Variants in ST3GAL3 observed in about 807,000 individuals in gnomAD.
ST3GAL3 encodes the protein ST3 beta-galactoside alpha-2,3-sialyltransferase 3, also known as CMP-N-acetylneuraminate-beta-1,4-galactoside alpha-2,3-sialyltransferase.
A neutral mutation model predicts 50.1 loss-of-function variants in ST3GAL3; 21 were observed. That is an observed-to-expected ratio of 0.42 (90% confidence interval 0.30 to 0.60). The LOEUF (loss-of-function observed/expected upper bound fraction) is 0.60. Ranked by LOEUF, ST3GAL3 falls within the 20% of genes least tolerant of loss-of-function variation. The pLI, the probability that ST3GAL3 is intolerant of heterozygous loss-of-function variation, is 0.19. For missense variants in ST3GAL3, 353 were observed against 489.4 expected (o/e 0.72, Z 2.63); for synonymous variants, 183 against 190.0 (o/e 0.96, Z 0.30).
At chr1:43,778,732 G>A (rs1365363747) in intron 2 of ST3GAL3, among the ~76,000 whole-genome samples, 5 of 127,650 alleles carry the variant, frequency 3.9e-5, no homozygotes, top group South Asian at 2.7e-4. Flanking sequence ...TGCAAGCTCC[G>A]CCTCCCGGGT....
chr1:43,851,868 C>G (rs747983193), intron 5 of ST3GAL3, among the ~76,000 whole-genome samples: 14 of 152,248 alleles, frequency 9.2e-5, no homozygotes, highest in Non-Finnish European at 1.5e-4. Flanking sequence ...AGCAACGTGA[C>G]TGGCCGCACC....
chr1:43,766,582 G>A (rs144228841), intron 2 of ST3GAL3, among the ~76,000 whole-genome samples: 128 of 152,230 alleles, frequency 8.4e-4, no homozygotes, highest in African/African-American at 2.9e-3. Flanking sequence ...GCTGAGAGCG[G>A]CTTGTGAGGA....
intron 3 of ST3GAL3, among the ~76,000 whole-genome samples, chr1:43,807,068 C>T (rs144678866): frequency 6.6e-6 from 1 of 152,284 alleles, no homozygotes; most frequent in East Asian, 1.9e-4. Context: ...AAAGATAAAA[C>T]AGTTCAGCCT....
Position 43,907,832 on chromosome 1 carries a change from C to T in ST3GAL3, c.744+8105C>T, listed in dbSNP as rs146204560. ...TTCACCTTAAAAATAAAAGCCCTCTCTTTAGCTTATGTTCACCTCTCTTCT... is the reference window on the plus strand; with the variant it reads ...TTCACCTTAAAAATAAAAGCCCTCTTTTTAGCTTATGTTCACCTCTCTTCT... On this transcript the variant is annotated intron_variant, in intron 9 of 11. Coordinates refer to ENST00000347631, the MANE Select transcript of ST3GAL3 (RefSeq NM_006279.5). Among the ~76,000 whole-genome samples, 211 of 152,284 alleles carry T rather than the reference C, an allele frequency of 1.4e-3. 1 individual carries two copies. Among genetic ancestry groups the T allele is most frequent in the African/African-American group, 4.9e-3 (202 of 41,550 alleles).
chr1:43,927,159 GTC>G (rs1440073384), intron 11 of ST3GAL3, among the ~76,000 whole-genome samples: 2 of 152,102 alleles, frequency 1.3e-5, no homozygotes, highest in African/African-American at 4.8e-5. Context: ...GCGAAATCCT[GTC>G]TCTACTAAAA....
chr1:43,885,819 G>A (rs2075891706), intron 5 of ST3GAL3, among the ~76,000 whole-genome samples: 1 of 152,226 alleles, frequency 6.6e-6, no homozygotes, highest in African/African-American at 2.4e-5. Context: ...GGGAACACTG[G>A]AGGAAGAATG....
chr1:43,829,823 A>G (rs1315956861), intron 4 of ST3GAL3, among the ~76,000 whole-genome samples: 1 of 151,784 alleles, frequency 6.6e-6, no homozygotes, highest in Non-Finnish European at 1.5e-5. Flanking sequence ...GTAATCTTTT[A>G]TTTACTTACC....
intron 4 of ST3GAL3, among the ~76,000 whole-genome samples, chr1:43,832,979 T>C (rs1431911241): frequency 6.6e-6 from 1 of 152,206 alleles, no homozygotes; most frequent in Non-Finnish European, 1.5e-5. Context: ...GCTGGGTTGT[T>C]AGGCAGTGTG....
intron 2 of ST3GAL3, 33 bp from the exon 3 acceptor site, chr1:43,792,069 A>G (rs1195158994): frequency 2.5e-6 from 4 of 1,613,992 alleles, no homozygotes; most frequent in Non-Finnish European, 3.4e-6. Context: ...TATAAGAAGG[A>G]GAAAGAAATG....
At chr1:43,792,558 T>G (rs551040935) in intron 3 of ST3GAL3, among the ~76,000 whole-genome samples, 38 of 152,300 alleles carry the variant, frequency 2.5e-4, no homozygotes, top group African/African-American at 8.9e-4. Flanking sequence ...CATCCCAGTT[T>G]CCTGAGGACA....
At chr1:43,817,725 C>T (rs1402514346) in intron 4 of ST3GAL3, among the ~76,000 whole-genome samples, 1 of 100,552 alleles carries the variant, frequency 9.9e-6, no homozygotes, top group Non-Finnish European at 2.2e-5. Flanking sequence ...TCCTCCTTCT[C>T]CTCCTCCCCC....
At chr1:43,734,438 A>G (rs1677453014) in intron 1 of ST3GAL3, among the ~76,000 whole-genome samples, 1 of 151,418 alleles carries the variant, frequency 6.6e-6, no homozygotes, top group East Asian at 2.0e-4. Flanking sequence ...CTGGGTAGCT[A>G]GGACCACAGA....
intron 1 of ST3GAL3, among the ~76,000 whole-genome samples, chr1:43,712,947 G>A (rs1227236459): frequency 6.6e-6 from 1 of 152,196 alleles, no homozygotes; most frequent in African/African-American, 2.4e-5. Context: ...TGCCACTGAA[G>A]GATTTGAAGA....
At chr1:43,909,101 C>A (rs915024154) in intron 9 of ST3GAL3, among the ~76,000 whole-genome samples, 3 of 152,158 alleles carry the variant, frequency 2.0e-5, no homozygotes, top group African/African-American at 7.2e-5. Flanking sequence ...TCTCTGTAAG[C>A]CCATCACCTC....
At chr1:43,816,549 C>T (rs1406530217) in intron 4 of ST3GAL3, among the ~76,000 whole-genome samples, 2 of 152,148 alleles carry the variant, frequency 1.3e-5, no homozygotes, top group Admixed American at 1.3e-4. Context: ...AGTGAAATGC[C>T]ACCAGAACGG....
intron 5 of ST3GAL3, among the ~76,000 whole-genome samples, chr1:43,873,476 G>A (rs2073433843): frequency 6.6e-6 from 1 of 152,178 alleles, no homozygotes; most frequent in Non-Finnish European, 1.5e-5. Flanking sequence ...AGACATCCAA[G>A]TGTAGCTATC....
chr1:43,859,434 C>T (rs758125298), intron 5 of ST3GAL3, among the ~76,000 whole-genome samples: 5 of 152,112 alleles, frequency 3.3e-5, no homozygotes, highest in Non-Finnish European at 7.4e-5. Context: ...TGGTGCATGC[C>T]TGTAATCCCA....
At chr1:43,821,681 C>T (rs983848710) in intron 4 of ST3GAL3, among the ~76,000 whole-genome samples, 2 of 152,122 alleles carry the variant, frequency 1.3e-5, no homozygotes, top group Non-Finnish European at 2.9e-5. Flanking sequence ...GAATTGACCC[C>T]GTCTTCCCCA....
intron 5 of ST3GAL3, among the ~76,000 whole-genome samples, chr1:43,893,131 C>T (rs1197398191): frequency 3.3e-5 from 5 of 152,126 alleles, no homozygotes. Context: ...TAATAGCAGA[C>T]CTCTGAGTGA....
Sources: gnomAD v4.1 joint callset for allele counts (sites outside exome capture counted in the v4.1 genomes callset) on GRCh38, gnomAD v4.1.1 for gene constraint, MANE v1.5 for transcripts, NCBI Gene and HGNC (gene_info 2026-07-23, HGNC 2026-07-21) for gene names.